Variants in DLGAP1 observed in about 807,000 individuals in gnomAD.
The protein encoded by DLGAP1 is DLG associated protein 1.
In DLGAP1, 11 loss-of-function variants were observed where a neutral mutation model predicts 90.8. The observed-to-expected ratio is 0.12, with a 90% CI of 0.08 to 0.20. DLGAP1 has a LOEUF of 0.20. Among genes scored for constraint, DLGAP1 ranks in the 10% least tolerant of loss-of-function variants. The pLI, the probability that DLGAP1 is intolerant of heterozygous loss-of-function variation, is 1.00. For missense variants in DLGAP1, 1,050 were observed against 1,333.8 expected (o/e 0.79, Z 3.31); for synonymous variants, 558 against 540.7 (o/e 1.03, Z -0.44).
At chr18:4,355,762 C>CA (rs2081499520) in intron 1 of DLGAP1, among the ~76,000 whole-genome samples, 1 of 69,630 alleles carries the variant, frequency 1.4e-5, no homozygotes, top group Non-Finnish European at 3.1e-5. Context: ...TTTTTTTTTG[C>CA]AATTTTTTTG....
Position 3,838,975 on chromosome 18 carries a change from A to T in DLGAP1, c.958-24702T>A, listed in dbSNP as rs187515997. On this transcript the variant is annotated intron_variant, in intron 4 of 12. Transcript: ENST00000315677. ...TGGCAAATTAGATCTGGGAGTGAAG[A>T]AAACTTGTTCCTAAATTTTATCTTA... Among the ~76,000 whole-genome samples, 254 of 152,366 alleles carry T rather than the reference A, an allele frequency of 1.7e-3. 1 individual carries two copies. The highest frequency in any genetic ancestry group is 5.4e-3 in the African/African-American group (223 of 41,586).
chr18:3,512,058 G>A (rs920154698), intron 10 of DLGAP1, among the ~76,000 whole-genome samples: 4 of 113,736 alleles, frequency 3.5e-5, no homozygotes, highest in African/African-American at 1.1e-4. Context: ...TTCACATTCT[G>A]GTCATGCTTT....
chr18:3,946,645 C>T (rs1017486208), intron 3 of DLGAP1, among the ~76,000 whole-genome samples: 4 of 151,992 alleles, frequency 2.6e-5, no homozygotes, highest in East Asian at 1.9e-4. Context: ...GCAAAGTATT[C>T]CCTCTGTGAA....
At chr18:3,646,789 G>A (rs950201861) in intron 7 of DLGAP1, among the ~76,000 whole-genome samples, 5 of 151,794 alleles carry the variant, frequency 3.3e-5, no homozygotes, top group Admixed American at 2.6e-4. Flanking sequence ...GCCGGGCGTG[G>A]TGGTGGGCGC....
At chr18:3,934,797 A>G (rs2072597394) in intron 3 of DLGAP1, among the ~76,000 whole-genome samples, 1 of 152,248 alleles carries the variant, frequency 6.6e-6, no homozygotes, top group Admixed American at 6.5e-5. Context: ...ATGTGTATAG[A>G]CACAAAGACA....
chr18:3,943,375 C>T (rs1483376744), intron 3 of DLGAP1, among the ~76,000 whole-genome samples: 1 of 150,654 alleles, frequency 6.6e-6, no homozygotes, highest in Non-Finnish European at 1.5e-5. Flanking sequence ...TTGGTATCAT[C>T]AAAGAGCTTA....
At chr18:3,650,332 C>A (rs2059252195) in intron 7 of DLGAP1, among the ~76,000 whole-genome samples, 1 of 152,134 alleles carries the variant, frequency 6.6e-6, no homozygotes, top group African/African-American at 2.4e-5. Flanking sequence ...TTGTGAGTCA[C>A]CGTGCCTGGT....
intron 4 of DLGAP1, among the ~76,000 whole-genome samples, chr18:3,823,742 G>T (rs1474131279): frequency 6.6e-6 from 1 of 151,998 alleles, no homozygotes; most frequent in Middle Eastern, 3.2e-3. Context: ...CTGAGGTCAG[G>T]AGTTTGAGAC....
chr18:3,829,088 G>T (rs1211514525), intron 4 of DLGAP1, among the ~76,000 whole-genome samples: 1 of 152,200 alleles, frequency 6.6e-6, no homozygotes, highest in Non-Finnish European at 1.5e-5. Context: ...AAGGAAGGAG[G>T]ATGGTGCAAT....
chr18:3,956,632 A>G (rs1349346058), intron 3 of DLGAP1, among the ~76,000 whole-genome samples: 1 of 151,484 alleles, frequency 6.6e-6, no homozygotes, highest in Non-Finnish European at 1.5e-5. Flanking sequence ...ATAGAAGTGA[A>G]CCACCACGCC....
chr18:3,576,394 T>C lies in DLGAP1; in HGVS notation c.1965+5481A>G, dbSNP rs576441887. Among the ~76,000 whole-genome samples, 7 of 149,570 alleles carry C rather than the reference T, an allele frequency of 4.7e-5. No homozygotes were observed. The East Asian group carries it at 1.4e-3, about 30-fold the overall frequency. ...CTGTCTCAGCCTCCCGAGTACTTGA[T>C]ATTACAGGTGCCCACCACCATGCCC... On this transcript the variant is annotated intron_variant, in intron 8 of 12. Coordinates refer to ENST00000315677, the MANE Select transcript of DLGAP1 (RefSeq NM_004746.4).
In DLGAP1 at chr18:3,660,757, G is replaced by A. The variant is rs1481945581; in HGVS notation, c.1591+68378C>T. Among the ~76,000 whole-genome samples, 1 of 152,162 alleles carries A rather than the reference G, an allele frequency of 6.6e-6. No homozygotes were observed. Among genetic ancestry groups the A allele is most frequent in the Non-Finnish European group, 1.5e-5 (1 of 68,030 alleles). On this transcript the variant is annotated intron_variant, in intron 7 of 12. Transcript: ENST00000315677. The surrounding 1 kb of genome is among the most constrained non-coding windows in gnomAD (Gnocchi z 4.2). ...TGTTTTAGGGTTCCAATATTGGCAAGGTATCTGACAAGTAAGTTTATTGGC... is the reference window on the plus strand; with the variant it reads ...TGTTTTAGGGTTCCAATATTGGCAAAGTATCTGACAAGTAAGTTTATTGGC...
chr18:4,307,460 G>C (rs1482540993), intron 1 of DLGAP1, among the ~76,000 whole-genome samples: 1 of 152,120 alleles, frequency 6.6e-6, no homozygotes. Context: ...AAGTTACACA[G>C]CCACCATCTG....
intron 9 of DLGAP1, among the ~76,000 whole-genome samples, chr18:3,542,123 A>G (rs559340609): frequency 6.6e-6 from 1 of 152,322 alleles, no homozygotes; most frequent in South Asian, 2.1e-4. Flanking sequence ...TCTAAATGTT[A>G]TGTGTAATGT....
In DLGAP1 at chr18:4,354,220, TC is replaced by T. The variant is rs1041824006; in HGVS notation, c.-267+100785del. Reference sequence around the variant, plus strand: ...AGATGATAGAAACTAGGGTTTCTCTTCCCCAAGGTGAGTCACAGAAACCAGA... The same window carrying T: ...AGATGATAGAAACTAGGGTTTCTCTTCCCAAGGTGAGTCACAGAAACCAGA... On this transcript the variant is annotated intron_variant, in intron 1 of 12. Coordinates refer to ENST00000315677, the MANE Select transcript of DLGAP1 (RefSeq NM_004746.4). 3.9e-5 allele frequency among the ~76,000 whole-genome samples: 6 copies of T among 152,234 alleles called. No homozygotes were observed. The South Asian group carries it at 1.0e-3, about 26-fold the overall frequency.
chr18:4,286,164 AAG>A (rs1260296479), intron 1 of DLGAP1, among the ~76,000 whole-genome samples: 1 of 152,306 alleles, frequency 6.6e-6, no homozygotes, highest in East Asian at 1.9e-4. Context: ...AGAAGCCAAA[AAG>A]GAAGGATGAA....
At chr18:4,398,779 A>T (rs1294104121) in intron 1 of DLGAP1, among the ~76,000 whole-genome samples, 1 of 152,180 alleles carries the variant, frequency 6.6e-6, no homozygotes, top group Non-Finnish European at 1.5e-5. Flanking sequence ...AAGAATTTTT[A>T]GAGTTTAGCC....
chr18:4,193,219 G>A (rs2077434174), intron 1 of DLGAP1, among the ~76,000 whole-genome samples: 1 of 152,228 alleles, frequency 6.6e-6, no homozygotes. Context: ...TCAGCTGGAC[G>A]TGGGCCTGGC....
intron 3 of DLGAP1, among the ~76,000 whole-genome samples, chr18:3,906,245 A>G (rs2071903520): frequency 6.6e-6 from 1 of 152,252 alleles, no homozygotes; most frequent in Non-Finnish European, 1.5e-5. Context: ...TCTAGAAACC[A>G]GAATGTCTTC....
Sources: allele counts gnomAD v4.1 joint callset (sites outside exome capture counted in the v4.1 genomes callset), GRCh38; gene constraint gnomAD v4.1.1; non-coding constraint Gnocchi (gnomAD v3.1); transcripts MANE v1.5; gene names NCBI Gene and HGNC (gene_info 2026-07-23, HGNC 2026-07-21).